ZNF268: variants seen among roughly 807,000 people sequenced by gnomAD.
The protein encoded by ZNF268 is zinc finger protein 268.
A neutral mutation model predicts 29.3 loss-of-function variants in ZNF268; 20 were observed. That is an observed-to-expected ratio of 0.68 (90% CI 0.48 to 0.99). The LOEUF (loss-of-function observed/expected upper bound fraction) is 0.99. Among genes scored for constraint, ZNF268 ranks in the 50% least tolerant of loss-of-function variants. ZNF268 has a pLI of 0.00. For missense variants in ZNF268, 1,240 were observed against 1,121.6 expected (o/e 1.11, Z -1.51); for synonymous variants, 429 against 376.9 (o/e 1.14, Z -1.60).
In ZNF268 at chr12:133,206,528, T is replaced by G. The variant is rs773157689; in HGVS notation, c.*1998T>G. 1.4e-4 allele frequency: 21 copies of G among 151,940 alleles called. No homozygotes were observed. Among genetic ancestry groups the G allele is most frequent in the Non-Finnish European group, 2.5e-4 (17 of 68,036 alleles). 9.4% of individuals were successfully genotyped at this position (151,940 alleles called of 1,614,324 possible). On this transcript the variant is annotated 3_prime_UTR_variant, in exon 6 of 6. Coordinates refer to ENST00000536435, the MANE Select transcript of ZNF268 (RefSeq NM_003415.3). Reference sequence around the variant, plus strand: ...AGTTTTCTTCACTACCTCATCAGGTTTGTTATGTGAGTGGGCATTAATCTG... The same window carrying G: ...AGTTTTCTTCACTACCTCATCAGGTGTGTTATGTGAGTGGGCATTAATCTG...
chr12:133,188,236 G>A (rs1956374030), intron 3 of ZNF268, 164 bp downstream of exon 3: 1 of 634,836 alleles, frequency 1.6e-6, no homozygotes, highest in Non-Finnish European at 2.7e-6. Context: ...TTGGTCTGTT[G>A]CCCAGAGTGG....
rs75364316 is a variant in ZNF268 at position 133,181,534 on chromosome 12, T to A, written c.-205T>A. Reference sequence around the variant, plus strand: ...CCATTGTTCCGCGCCGATGGCGAGATCCTTGTTCCTCAGATAGCGTTCATC... The same window carrying A: ...CCATTGTTCCGCGCCGATGGCGAGAACCTTGTTCCTCAGATAGCGTTCATC... On this transcript the variant is annotated 5_prime_UTR_variant, in exon 1 of 6. Transcript: ENST00000536435. 604 of 156,302 alleles carry A rather than the reference T, an allele frequency of 3.9e-3. 7 individuals are homozygous for A. The highest frequency in any genetic ancestry group is 0.014 in the African/African-American group (585 of 41,754). 9.7% of individuals were successfully genotyped at this position (156,302 alleles called of 1,614,324 possible).
rs1956816290 is a variant in ZNF268 at position 133,203,668 on chromosome 12, T to C, written c.1982T>C (p.Val661Ala). 1 of 1,550,800 alleles carries C rather than the reference T, an allele frequency of 6.4e-7. No homozygotes were observed. The change falls in exon 6 of 6, where the codon GTG becomes GCG. Residue 661 changes from valine (V) to alanine (A), a missense_variant. This residue lies in a region of ZNF268 where 1,177 missense variants were observed against 1,039.6 expected (regional missense o/e 1.13). Coordinates refer to ENST00000536435, the MANE Select transcript of ZNF268 (RefSeq NM_003415.3). ...TCACAGCTCATTGTACATAAAGGAG[T>C]GCACACTGGAGTAAAACCCTATGGA... ...FKSQLIVHKG[V>A]HTGVKPYGCS...
chr12:133,184,588 A>G (rs1006811833), intron 2 of ZNF268: 12 of 345,868 alleles, frequency 3.5e-5, no homozygotes, highest in Admixed American at 3.4e-4. Context: ...CTTAATCACT[A>G]TTAAAAGGCC....
At chr12:133,182,091 T>A in intron 2 of ZNF268, 61 bp downstream of exon 2, 1 of 1,497,750 alleles carries the variant, frequency 6.7e-7, no homozygotes, top group African/African-American at 1.4e-5. Flanking sequence ...GTGTGCGCAC[T>A]CCATCTACTC....
chr12:133,204,054 A>G lies in ZNF268; in HGVS notation c.2368A>G (p.Ser790Gly). 1 of 1,564,016 alleles carries G rather than the reference A, an allele frequency of 6.4e-7. No individual in the cohort carries two copies. Among genetic ancestry groups the G allele is most frequent in the Non-Finnish European group, 8.6e-7 (1 of 1,157,776 alleles). Residue 790 changes from serine to glycine, a missense_variant, in exon 6 of 6, where the codon AGC (serine) becomes GGC (glycine). This residue lies in a region of ZNF268 where 1,177 missense variants were observed against 1,039.6 expected (regional missense o/e 1.13). Transcript: ENST00000536435. ...GTGCAGTGAATGTGGGAAAGCTTTTAGCAGCAAGTCATACCTAATTATACA... is the reference window on the plus strand; with the variant it reads ...GTGCAGTGAATGTGGGAAAGCTTTTGGCAGCAAGTCATACCTAATTATACA... ...YGCSECGKAF[S>G]SKSYLIIHMR...
chr12:133,189,107 A>G lies in ZNF268; in HGVS notation c.234+1035A>G, dbSNP rs894911743. Among the ~76,000 whole-genome samples, 7 of 152,182 alleles carry G rather than the reference A, an allele frequency of 4.6e-5. No individual in the cohort carries two copies. In the Middle Eastern group the frequency reaches 0.01, roughly 223 times the overall value. On this transcript the variant is annotated intron_variant, in intron 3 of 5. Transcript: ENST00000536435. Reference sequence around the variant, plus strand: ...TTAGATCTTTGATTTTTAAAAGTCAATGTTTATAGTTTTGAGCATACAGAT... The same window carrying G: ...TTAGATCTTTGATTTTTAAAAGTCAGTGTTTATAGTTTTGAGCATACAGAT...
intron 2 of ZNF268, among the ~76,000 whole-genome samples, chr12:133,184,419 C>A (rs971486391): frequency 5.3e-5 from 8 of 152,046 alleles, no homozygotes; most frequent in African/African-American, 1.9e-4. Context: ...TCTCTGCTTT[C>A]AAGATGGCAC....
At chr12:133,199,937 G>A (rs1956709802) in intron 5 of ZNF268, among the ~76,000 whole-genome samples, 1 of 151,758 alleles carries the variant, frequency 6.6e-6, no homozygotes, top group African/African-American at 2.4e-5. Context: ...TATTAGTCTT[G>A]CTAGCGGTCT....
Position 133,204,110 on chromosome 12 carries a change from T to G in ZNF268, c.2424T>G (p.Tyr808Ter). The stretch of plus-strand genomic sequence containing the variant: ...GAACTCATTCAGGTGAAAAACCATA[T>G]GAATGTAATGAATGTGGGAAAGCCT... ...HMRTHSGEKP[Y>*]ECNECGKAFI... Residue 808 changes from tyrosine to a stop codon, truncating the protein, a stop_gained, in exon 6 of 6, where the codon TAT becomes TAG. Transcript: ENST00000536435. LOFTEE classifies it low-confidence loss of function (END_TRUNC). 6.5e-7 allele frequency: 1 copy of G among 1,545,284 alleles called. No individual in the cohort carries two copies. The highest frequency in any genetic ancestry group is 8.7e-7 in the Non-Finnish European group (1 of 1,147,928).
intron 5 of ZNF268, chr12:133,193,294 C>G: frequency 2.1e-6 from 1 of 484,716 alleles, no homozygotes; most frequent in Non-Finnish European, 3.7e-6. Flanking sequence ...GGTTGTGCCA[C>G]TAGACTCTGG....
rs1208001936 is a variant in ZNF268 at position 133,203,285 on chromosome 12, TG to T, written c.1602del (p.Ala536ProfsTer60). 1.3e-6 allele frequency: 2 copies of T among 1,539,506 alleles called. No homozygotes were observed. Among genetic ancestry groups the T allele is most frequent in the Non-Finnish European group, 8.7e-7 (1 of 1,147,348 alleles). On this transcript the variant is annotated frameshift_variant, in exon 6 of 6. Coordinates refer to ENST00000536435, the MANE Select transcript of ZNF268 (RefSeq NM_003415.3). LOFTEE classifies it low-confidence loss of function (END_TRUNC). ...GEKLHECNNCGKAFSFKSQLI... is the reference protein window; with the variant it reads ...GEKLHECNNCXKAFSFKSQLI... ...AAAAACTCCATGAATGCAACAATTG[TG>T]GGAAAGCCTTCAGTTTTAAATCACA...
intron 5 of ZNF268, among the ~76,000 whole-genome samples, chr12:133,199,967 T>C (rs1328420406): frequency 6.6e-6 from 1 of 152,182 alleles, no homozygotes; most frequent in Non-Finnish European, 1.5e-5. Context: ...GTTGATCCTT[T>C]CAAAAAACCA....
rs1566386611 is a variant in ZNF268, at chr12:133,204,036, G to C, written c.2350G>C (p.Glu784Gln). The change falls in exon 6 of 6, where the codon GAA becomes CAA. Residue 784 changes from glutamate (E) to glutamine (Q), a missense_variant. Around this residue, in one of 3 missense-constraint regions of ZNF268, gnomAD observed 1,177 missense variants for 1,039.6 expected, o/e 1.13. Transcript: ENST00000536435. ...AGGGGAAAAGCCTTATGGGTGCAGT[G>C]AATGTGGGAAAGCTTTTAGCAGCAA... ...HAGEKPYGCS[E>Q]CGKAFSSKSY... 2 of 1,570,730 alleles carry C rather than the reference G, an allele frequency of 1.3e-6. No individual in the cohort carries two copies. The highest frequency in any genetic ancestry group is 8.6e-7 in the Non-Finnish European group (1 of 1,161,232).
chr12:133,196,405 AG>A, intron 5 of ZNF268, among the ~76,000 whole-genome samples: 1 of 151,180 alleles, frequency 6.6e-6, no homozygotes, highest in Admixed American at 6.6e-5. Context: ...CTCTACCTTG[AG>A]GTGTCAAGTA....
Position 133,212,445 on chromosome 12 carries a change from TTATA to T in ZNF268, c.*7965_*7968del, listed in dbSNP as rs565059550. The T allele has an allele frequency of 3.7e-3, 439 of 117,968 alleles. 2 individuals carry two copies. The highest frequency in any genetic ancestry group is 5.7e-3 in the Non-Finnish European group (309 of 53,808). 7.3% of individuals were successfully genotyped at this position (117,968 alleles called of 1,614,324 possible). On this transcript the variant is annotated 3_prime_UTR_variant, in exon 6 of 6. Transcript: ENST00000536435. ...CCAAGGGAGACTTTCATGTGTGATTTTATATATATATATATATATATATATATAT... is the reference window on the plus strand; with the variant it reads ...CCAAGGGAGACTTTCATGTGTGATTTTATATATATATATATATATATATAT...
chr12:133,187,425 ATAT>A (rs1362890336), intron 2 of ZNF268, among the ~76,000 whole-genome samples: 1 of 151,770 alleles, frequency 6.6e-6, no homozygotes, highest in East Asian at 1.9e-4. Flanking sequence ...TCATTTTGAA[ATAT>A]TATGTTACAA....
In ZNF268 at chr12:133,205,144, T is replaced by TAAGAAAAAAAAAAAAA. The variant is rs1956868853; in HGVS notation, c.*616_*617insGAAAAAAAAAAAAAAA. ...TAACCTCACCTTAGAAGCTTCATTC[T>TAAGAAAAAAAAAAAAA]AAAAAAAAAAAAAAAAAAAAAAAAA... On this transcript the variant is annotated 3_prime_UTR_variant, in exon 6 of 6. Coordinates refer to ENST00000536435, the MANE Select transcript of ZNF268 (RefSeq NM_003415.3). 2.4e-5 allele frequency: 1 copy of TAAGAAAAAAAAAAAAA among 42,270 alleles called. No homozygotes were observed. The highest frequency in any genetic ancestry group is 4.5e-5 in the Non-Finnish European group (1 of 22,218). The allele number at this position is 42,270 out of a possible 1,614,324, so 2.6% of individuals were successfully genotyped here.
Position 133,202,501 on chromosome 12 carries a change from G to T in ZNF268, c.815G>T (p.Gly272Val). 5 of 1,612,314 alleles carry T rather than the reference G, an allele frequency of 3.1e-6. No homozygotes were observed. Among genetic ancestry groups the T allele is most frequent in the Non-Finnish European group, 4.2e-6 (5 of 1,179,144 alleles). ...CTTATGTGCCAACAAATGTATATGG[G>T]CGAAAAACCCTTTGGATGCAGCTGT... ...SQLMCQQMYMGEKPFGCSCCE... is the reference protein window; with the variant it reads ...SQLMCQQMYMVEKPFGCSCCE... The change falls in exon 6 of 6, where the codon GGC (glycine) becomes GTC (valine). Residue 272 changes from glycine to valine, a missense_variant. Around this residue, in one of 3 missense-constraint regions of ZNF268, gnomAD observed 1,177 missense variants for 1,039.6 expected, o/e 1.13. Transcript: ENST00000536435.
Sources: gnomAD v4.1 joint callset for allele counts (sites outside exome capture counted in the v4.1 genomes callset) on GRCh38, gnomAD v4.1.1 for gene constraint, gnomAD v4.1.1 regional missense constraint, MANE v1.5 for transcripts, NCBI Gene and HGNC (gene_info 2026-07-23, HGNC 2026-07-21) for gene names.